LGR6: variants seen among roughly 807,000 people sequenced by gnomAD.
LGR6 encodes the protein leucine rich repeat containing G protein-coupled receptor 6.
A neutral mutation model predicts 69.4 loss-of-function variants in LGR6; 45 were observed. That is an observed-to-expected ratio of 0.65 (90% CI 0.51 to 0.83). The LOEUF is 0.83. Among genes scored for constraint, LGR6 ranks in the 40% least tolerant of loss-of-function variants. The pLI, the probability that LGR6 is intolerant of heterozygous loss-of-function variation, is 0.00. For synonymous variants in LGR6, 538 were observed against 555.0 expected (o/e 0.97, Z 0.43); for missense variants, 1,108 against 1,246.7 (o/e 0.89, Z 1.68).
chr1:202,297,002 A>G (rs1005700378), intron 6 of LGR6, among the ~76,000 whole-genome samples: 1 of 152,200 alleles, frequency 6.6e-6, no homozygotes, highest in Non-Finnish European at 1.5e-5. Context: ...AGTACAGAAA[A>G]GTGTAAGAGA....
chr1:202,299,179 G>C (rs1667391532), intron 7 of LGR6, among the ~76,000 whole-genome samples: 1 of 150,028 alleles, frequency 6.7e-6, no homozygotes, highest in Admixed American at 6.7e-5. Flanking sequence ...AGAATTACTT[G>C]TACCCAGGTG....
In LGR6 at chr1:202,304,598, G is replaced by A. The variant is rs1189335956; in HGVS notation, c.1038G>A (p.Gly346=). ...TRAGIRLLPS[G]MCQQLPRLRV... is the part of the protein sequence containing the mutation. ...CAGGCATCCGGCTGCTCCCATCGGG[G>A]ATGTGCCAACAGCTGCCCAGGCTCC... Residue 346 remains glycine, a synonymous_variant, in exon 11 of 18, where the codon GGG becomes GGA. Coordinates refer to ENST00000367278, the MANE Select transcript of LGR6 (RefSeq NM_001017403.2). 3.1e-6 allele frequency: 5 copies of A among 1,611,122 alleles called. No individual in the cohort carries two copies. Among genetic ancestry groups the A allele is most frequent in the Non-Finnish European group, 4.2e-6 (5 of 1,177,784 alleles).
Position 202,319,225 on chromosome 1 carries a change from T to C in LGR6, c.*18T>C. The C allele has an allele frequency of 6.5e-7, 1 of 1,534,846 alleles. No homozygotes were observed. Among genetic ancestry groups the C allele is most frequent in the Non-Finnish European group, 8.8e-7 (1 of 1,142,826 alleles). ...ACGTGTAAATATCCCTCCCCATTCT[T>C]CTCTTCCCCTCTCTTCCCTTTCCTC... On this transcript the variant is annotated 3_prime_UTR_variant, in exon 18 of 18. Coordinates refer to ENST00000367278, the MANE Select transcript of LGR6 (RefSeq NM_001017403.2).
At chr1:202,235,196 G>C (rs1174840959) in intron 3 of LGR6, among the ~76,000 whole-genome samples, 1 of 152,128 alleles carries the variant, frequency 6.6e-6, no homozygotes, top group African/African-American at 2.4e-5. Context: ...CATGCTCTCT[G>C]ACCCTCTACC....
chr1:202,272,593 C>T (rs1665195277), intron 4 of LGR6, among the ~76,000 whole-genome samples: 1 of 152,236 alleles, frequency 6.6e-6, no homozygotes, highest in Non-Finnish European at 1.5e-5. Flanking sequence ...TCCAGCCCTT[C>T]CCTAAGAGGC....
chr1:202,298,512 G>A (rs948063833), intron 7 of LGR6: 2 of 147,502 alleles, frequency 1.4e-5, no homozygotes, highest in African/African-American at 5.0e-5. Flanking sequence ...AAATTTTCAG[G>A]CAGCTTAGTA....
intron 17 of LGR6, among the ~76,000 whole-genome samples, chr1:202,315,752 C>T (rs1336813493): frequency 6.6e-6 from 1 of 152,204 alleles, no homozygotes; most frequent in Non-Finnish European, 1.5e-5. Context: ...TTGCCCAGCC[C>T]GAGTTTTCAG....
chr1:202,253,669 C>T (rs1191630496), intron 4 of LGR6, among the ~76,000 whole-genome samples: 1 of 133,030 alleles, frequency 7.5e-6, no homozygotes, highest in African/African-American at 2.8e-5. Flanking sequence ...CACTCTGTCG[C>T]CCAGGCTGGA....
intron 1 of LGR6, among the ~76,000 whole-genome samples, chr1:202,211,548 A>G (rs906394708): frequency 6.6e-6 from 1 of 152,138 alleles, no homozygotes; most frequent in Non-Finnish European, 1.5e-5. Flanking sequence ...TTTTGTAGAG[A>G]TGGGGTTTCA....
intron 1 of LGR6, 130 bp downstream of exon 1, chr1:202,194,331 C>A: frequency 1.6e-6 from 1 of 622,252 alleles, no homozygotes; most frequent in Non-Finnish European, 2.7e-6. Flanking sequence ...TTGCCCCCTT[C>A]CAAGTTGACC....
intron 6 of LGR6, among the ~76,000 whole-genome samples, chr1:202,292,084 G>A (rs1261212265): frequency 6.6e-6 from 1 of 152,144 alleles, no homozygotes; most frequent in Non-Finnish European, 1.5e-5. Flanking sequence ...ACTACACAAG[G>A]GTGTGAAAAT....
chr1:202,233,903 C>G (rs1218968257), intron 3 of LGR6, among the ~76,000 whole-genome samples: 1 of 152,188 alleles, frequency 6.6e-6, no homozygotes, highest in Non-Finnish European at 1.5e-5. Context: ...TCTTAAGTAG[C>G]TTGCACACTA....
Position 202,317,953 on chromosome 1 carries a change from C to T in LGR6, c.1650C>T (p.Gly550=). Residue 550 remains glycine, a splice_region_variant and synonymous_variant, in exon 18 of 18, where the codon GGC becomes GGT. Transcript: ENST00000367278. ...GTTAATGTCTGATCTCTCCTACAGGCCCCTTCAAGCCCTGTGAGTACCTCT... is the reference window on the plus strand; with the variant it reads ...GTTAATGTCTGATCTCTCCTACAGGTCCCTTCAAGCCCTGTGAGTACCTCT... ...HPSVQCSPTP[G]PFKPCEYLFE... 1.2e-6 allele frequency: 2 copies of T among 1,604,610 alleles called. No homozygotes were observed. The highest frequency in any genetic ancestry group is 1.7e-6 in the Non-Finnish European group (2 of 1,174,868).
chr1:202,273,682 C>G (rs1386529744), intron 4 of LGR6, among the ~76,000 whole-genome samples: 1 of 152,024 alleles, frequency 6.6e-6, no homozygotes, highest in Non-Finnish European at 1.5e-5. Context: ...GTCTCGAACT[C>G]CGACATCAGG....
intron 7 of LGR6, among the ~76,000 whole-genome samples, chr1:202,300,596 A>G (rs2148258733): frequency 6.6e-6 from 1 of 151,812 alleles, no homozygotes; most frequent in Non-Finnish European, 1.5e-5. Context: ...TCGAGGCTGC[A>G]CTGCGGTGAG....
chr1:202,226,951 G>T (rs1340841415), intron 2 of LGR6, among the ~76,000 whole-genome samples: 1 of 152,174 alleles, frequency 6.6e-6, no homozygotes, highest in Non-Finnish European at 1.5e-5. Flanking sequence ...AGCTCAGGCA[G>T]GTGACATTGG....
At chr1:202,212,002 C>T (rs750880222) in intron 1 of LGR6, among the ~76,000 whole-genome samples, 4 of 152,176 alleles carry the variant, frequency 2.6e-5, no homozygotes, top group African/African-American at 4.8e-5. Flanking sequence ...GGTCATAGTT[C>T]GTTCATCCTC....
At chr1:202,284,786 G>T (rs1211398763) in intron 6 of LGR6, among the ~76,000 whole-genome samples, 1 of 152,190 alleles carries the variant, frequency 6.6e-6, no homozygotes, top group Non-Finnish European at 1.5e-5. Context: ...CTCTAGATCT[G>T]GGAACTTGAT....
chr1:202,266,900 G>GCA (rs998954297), intron 4 of LGR6, among the ~76,000 whole-genome samples: 4 of 150,952 alleles, frequency 2.6e-5, no homozygotes, highest in South Asian at 2.1e-4. Context: ...TCTCTCTAAC[G>GCA]CGCGCACACA....
Sources: gnomAD v4.1 joint callset for allele counts (sites outside exome capture counted in the v4.1 genomes callset) on GRCh38, gnomAD v4.1.1 for gene constraint, MANE v1.5 for transcripts, NCBI Gene and HGNC (gene_info 2026-07-23, HGNC 2026-07-21) for gene names.